Variants in RANBP2 observed in about 807,000 individuals in gnomAD.
RANBP2 encodes RAN binding protein 2.
Under a neutral mutation model 303.6 loss-of-function variants are expected in RANBP2, and 57 were observed. The ratio of observed to expected loss-of-function variants is 0.19; its 90% CI spans 0.15 to 0.23. The LOEUF (loss-of-function observed/expected upper bound fraction) is 0.23, where lower values mean the gene tolerates loss of function less well. RANBP2 is among the 10% of genes least tolerant of loss of function. The probability of loss-of-function intolerance (pLI) is 1.00; values close to 1 mark genes in which losing one functional copy is unlikely to be tolerated. For missense variants in RANBP2, 3,138 were observed against 3,780.8 expected (o/e 0.83, Z 4.46); for synonymous variants, 1,167 against 1,301.5 (o/e 0.90, Z 2.23).
the RANBP2 span, among the ~76,000 whole-genome samples, chr2:108,840,460 A>G: frequency 6.6e-6 from 1 of 151,996 alleles, no homozygotes; most frequent in African/African-American, 2.4e-5. Flanking sequence ...TGTGGATGAG[A>G]TTTCTTTTGG....
At chr2:109,476,444 C>G in the RANBP2 span, among the ~76,000 whole-genome samples, 1 of 152,214 alleles carries the variant, frequency 6.6e-6, no homozygotes, top group African/African-American at 2.4e-5. Context: ...TAGTAGTACT[C>G]AAATCCCATC....
At chr2:109,353,619 C>T in the RANBP2 span, among the ~76,000 whole-genome samples, 1 of 152,160 alleles carries the variant, frequency 6.6e-6, no homozygotes, top group East Asian at 1.9e-4. Context: ...GGTGAGAGTG[C>T]CTCTGTCTCC....
chr2:109,133,539 T>C, the RANBP2 span, among the ~76,000 whole-genome samples: 1 of 152,182 alleles, frequency 6.6e-6, no homozygotes, highest in Admixed American at 6.5e-5. Flanking sequence ...TTTTATGATT[T>C]TCTATTTGTT....
chr2:109,383,565 C>T, the RANBP2 span, among the ~76,000 whole-genome samples: 4 of 152,158 alleles, frequency 2.6e-5, no homozygotes, highest in Admixed American at 6.5e-5. Context: ...GGCTGAGGCA[C>T]GTTTAAGATT....
At chr2:109,298,855 TCAAA>T in the RANBP2 span, among the ~76,000 whole-genome samples, 1 of 152,164 alleles carries the variant, frequency 6.6e-6, no homozygotes, top group East Asian at 1.9e-4. Context: ...GCATCTATTC[TCAAA>T]CAGTGACCAG....
At chr2:109,373,251 C>T in the RANBP2 span, among the ~76,000 whole-genome samples, 1 of 152,246 alleles carries the variant, frequency 6.6e-6, no homozygotes, top group South Asian at 2.1e-4. Context: ...GCGAATACCA[C>T]TTACAATGTC....
chr2:109,266,005 G>A, the RANBP2 span, among the ~76,000 whole-genome samples: 1 of 152,152 alleles, frequency 6.6e-6, no homozygotes, highest in South Asian at 2.1e-4. Context: ...TGTGTCATGT[G>A]CATGTGTGTG....
At chr2:109,565,605 C>T in the RANBP2 span, among the ~76,000 whole-genome samples, 3 of 151,970 alleles carry the variant, frequency 2.0e-5, no homozygotes. Context: ...AAGTGGGAGG[C>T]TCTACACGGC....
the RANBP2 span, among the ~76,000 whole-genome samples, chr2:109,075,695 T>G: frequency 2.0e-5 from 3 of 149,772 alleles, no homozygotes; most frequent in Admixed American, 2.0e-4. Flanking sequence ...TTATGAACAA[T>G]TATATGCCAA....
the RANBP2 span, among the ~76,000 whole-genome samples, chr2:109,255,010 A>G: frequency 1.3e-5 from 2 of 152,136 alleles, no homozygotes; most frequent in Non-Finnish European, 2.9e-5. Flanking sequence ...GATCATTTGT[A>G]TCTGGAAAGA....
At chr2:109,160,411 G>T in the RANBP2 span, among the ~76,000 whole-genome samples, 121 of 152,342 alleles carry the variant, frequency 7.9e-4, 1 homozygote, top group African/African-American at 2.7e-3. Flanking sequence ...TGGAAATGAA[G>T]GAGCAGGTAG....
the RANBP2 span, among the ~76,000 whole-genome samples, chr2:109,266,592 C>T: frequency 2.4e-4 from 37 of 152,112 alleles, no homozygotes; most frequent in Non-Finnish European, 4.4e-4. Context: ...TGCCCGTCAC[C>T]GAGACCTTGG....
the RANBP2 span, among the ~76,000 whole-genome samples, chr2:109,596,091 G>A: frequency 2.0e-5 from 3 of 152,092 alleles, no homozygotes; most frequent in Admixed American, 6.6e-5. Context: ...GAGTGCAGTG[G>A]TGCGATCACA....
chr2:108,790,645 G>A (rs1679757425), downstream of RANBP2, among the ~76,000 whole-genome samples: 1 of 152,204 alleles, frequency 6.6e-6, no homozygotes, highest in Non-Finnish European at 1.5e-5. Context: ...AGGTTGCAGT[G>A]AGCCGAGATC....
chr2:109,346,755 C>A, the RANBP2 span, among the ~76,000 whole-genome samples: 1 of 152,156 alleles, frequency 6.6e-6, no homozygotes, highest in Non-Finnish European at 1.5e-5. Flanking sequence ...GATTTCAGAG[C>A]TAGTCACGGT....
chr2:109,267,186 T>G, the RANBP2 span, among the ~76,000 whole-genome samples: 1 of 152,152 alleles, frequency 6.6e-6, no homozygotes, highest in South Asian at 2.1e-4. Flanking sequence ...CATGTGTGCT[T>G]AGGTTTCGTC....
rs1318578628 is a variant in RANBP2 at position 108,781,449 on chromosome 2, CCTT to C, written c.8760+21_8760+23del. On this transcript the variant is annotated intron_variant, in intron 26 of 28. Coordinates refer to ENST00000283195, the MANE Select transcript of RANBP2 (RefSeq NM_006267.5). Reference sequence around the variant, plus strand: ...CCAGAGGTAAATGTTAAGGAATTAACCTTTTACTAATAACTTATTTTTCATTTT... The same window carrying C: ...CCAGAGGTAAATGTTAAGGAATTAACTTACTAATAACTTATTTTTCATTTT... 6.2e-7 allele frequency: 1 copy of C among 1,611,130 alleles called. No homozygotes were observed.
chr2:109,614,927 G>T, the RANBP2 span: 1 of 1,494,678 alleles, frequency 6.7e-7, no homozygotes, highest in Admixed American at 2.1e-5. Flanking sequence ...CGCACTGGCC[G>T]CCCCTGAGCG....
rs60199637 is a variant in RANBP2, at chr2:108,767,148, G to A, written c.6609G>A (p.Ala2203=). Residue 2203 remains alanine, a synonymous_variant, in exon 20 of 29, where the codon GCG becomes GCA. Transcript: ENST00000283195. The part of the protein sequence containing the change: ...EEENKGSGTG[A]AGASDTTIKP... ...AAAATAAGGGTTCAGGTACAGGTGC[G>A]GCCGGTGCCTCAGACACAACAATAA... The A allele has an allele frequency of 8.4e-3, 13,507 of 1,611,648 alleles. 695 individuals carry two copies. The African/African-American group carries it at 0.14, about 17-fold the overall frequency.
Sources: allele counts gnomAD v4.1 joint callset (sites outside exome capture counted in the v4.1 genomes callset), GRCh38; gene constraint gnomAD v4.1.1; transcripts MANE v1.5; gene names NCBI Gene and HGNC (gene_info 2026-07-23, HGNC 2026-07-21).